SLCO1C1: variants seen among roughly 807,000 people sequenced by gnomAD.
SLCO1C1 encodes solute carrier organic anion transporter family member 1C1, also known as OAT-RP-5.
A neutral mutation model predicts 76.4 loss-of-function variants in SLCO1C1; 70 were observed. The ratio of observed to expected loss-of-function variants is 0.92; its 90% CI spans 0.76 to 1.12. The LOEUF (loss-of-function observed/expected upper bound fraction) is 1.12, where lower values mean the gene tolerates loss of function less well. Ranked by LOEUF, SLCO1C1 falls within the 50% of genes most tolerant of loss-of-function variation. SLCO1C1 has a pLI of 0.00. For synonymous variants in SLCO1C1, 306 were observed against 286.1 expected (o/e 1.07, Z -0.70); for missense variants, 912 against 823.8 (o/e 1.11, Z -1.31).
At chr12:20,715,101 G>T (rs772126672) in intron 5 of SLCO1C1, 38 bp from the exon 6 acceptor site, 197 of 1,611,026 alleles carry the variant, frequency 1.2e-4, no homozygotes, top group Non-Finnish European at 1.5e-4. Context: ...CTTTTAAAGT[G>T]ATCTATTTTC....
intron 4 of SLCO1C1, 121 bp from the exon 5 acceptor site, chr12:20,711,265 A>C: frequency 4.4e-6 from 5 of 1,129,950 alleles, no homozygotes; most frequent in Non-Finnish European, 6.2e-6. Context: ...GATTTGGTGA[A>C]TTAGGTTCAG....
At chr12:20,702,806 G>A (rs952494124) in intron 3 of SLCO1C1, among the ~76,000 whole-genome samples, 1 of 151,638 alleles carries the variant, frequency 6.6e-6, no homozygotes, top group Non-Finnish European at 1.5e-5. Flanking sequence ...ATATGAGCAG[G>A]CAAAACATTA....
chr12:20,729,810 TC>T (rs911371915), intron 9 of SLCO1C1, among the ~76,000 whole-genome samples: 1 of 152,166 alleles, frequency 6.6e-6, no homozygotes, highest in Admixed American at 6.5e-5. Context: ...GAGGTTTTTA[TC>T]AGTCAAAGCA....
intron 9 of SLCO1C1, among the ~76,000 whole-genome samples, chr12:20,730,561 C>T (rs1399866562): frequency 6.6e-6 from 1 of 152,086 alleles, no homozygotes; most frequent in Non-Finnish European, 1.5e-5. Context: ...TCTAAGTTGA[C>T]TTTTGGCTGT....
intron 11 of SLCO1C1, among the ~76,000 whole-genome samples, chr12:20,738,281 G>A (rs1565538827): frequency 1.3e-5 from 2 of 152,074 alleles, no homozygotes; most frequent in Non-Finnish European, 2.9e-5. Context: ...ACCCTTCTCA[G>A]CACACCTTTC....
intron 10 of SLCO1C1, among the ~76,000 whole-genome samples, chr12:20,736,841 A>T (rs1382401424): frequency 2.6e-5 from 4 of 152,146 alleles, no homozygotes; most frequent in African/African-American, 9.7e-5. Context: ...AGAAGATCCT[A>T]GAGGCTGTAG....
rs753127736 is a variant in SLCO1C1 at position 20,723,151 on chromosome 12, A to G, written c.1083A>G (p.Thr361=). Residue 361 remains threonine (T), a synonymous_variant, in exon 9 of 15, where the codon ACA becomes ACG. Coordinates refer to ENST00000266509, the MANE Select transcript of SLCO1C1 (RefSeq NM_017435.5). The part of the protein sequence containing the change: ...GNPVYFLYLC[T]STVQFNSLFG... ...CAGTATACTTCCTATATTTATGTAC[A>G]AGCACTGTTCAGTTCAATTCTCTGT... The G allele has an allele frequency of 2.5e-6, 4 of 1,613,802 alleles. No individual in the cohort carries two copies. The highest frequency in any genetic ancestry group is 3.4e-6 in the Non-Finnish European group (4 of 1,179,918).
At position 20,753,105 on chromosome 12, in the gene SLCO1C1, G is replaced by A. The variant is rs1344016950; in HGVS notation, c.*577G>A. On this transcript the variant is annotated 3_prime_UTR_variant, in exon 15 of 15. Transcript: ENST00000266509. ...AAATGTGTAGCAGCAAATTATATTG[G>A]GGATTAGAATTTTGAATTAATAGCT... The A allele has an allele frequency of 6.6e-6, 1 of 152,036 alleles. No homozygotes were observed. Among genetic ancestry groups the A allele is most frequent in the Non-Finnish European group, 1.5e-5 (1 of 67,990 alleles). The allele number at this position is 152,036 out of a possible 1,614,324, so 9.4% of individuals were successfully genotyped here.
chr12:20,716,443 A>G (rs571624022), intron 6 of SLCO1C1, among the ~76,000 whole-genome samples: 1 of 152,280 alleles, frequency 6.6e-6, no homozygotes, highest in East Asian at 1.9e-4. Context: ...TTAATCTCCC[A>G]TGAATATGTG....
At chr12:20,706,375 G>T (rs1946776922) in intron 4 of SLCO1C1, among the ~76,000 whole-genome samples, 1 of 151,964 alleles carries the variant, frequency 6.6e-6, no homozygotes, top group Non-Finnish European at 1.5e-5. Flanking sequence ...ATATATAATT[G>T]AAAATAAATT....
intron 4 of SLCO1C1, among the ~76,000 whole-genome samples, chr12:20,710,591 C>T (rs1277950498): frequency 6.6e-6 from 1 of 152,078 alleles, no homozygotes; most frequent in Non-Finnish European, 1.5e-5. Context: ...GGCTCTTTAT[C>T]CCAGTTGCTA....
intron 11 of SLCO1C1, 36 bp from the exon 12 acceptor site, chr12:20,740,148 A>G: frequency 6.5e-7 from 1 of 1,542,524 alleles, no homozygotes. Context: ...TTTAAATGTT[A>G]CTGAAATAAT....
intron 5 of SLCO1C1, 76 bp from the exon 6 acceptor site, chr12:20,715,063 A>G: frequency 6.5e-7 from 1 of 1,547,854 alleles, no homozygotes; most frequent in Non-Finnish European, 8.8e-7. Context: ...TTTAAGATAT[A>G]CGGTAGAAAT....
At chr12:20,699,520 T>C (rs976774376) in intron 1 of SLCO1C1, 32 bp from the exon 2 acceptor site, 133 of 1,503,524 alleles carry the variant, frequency 8.8e-5, no homozygotes, top group Admixed American at 4.7e-5. Flanking sequence ...GTAGTATTTA[T>C]TTATTTTTAC....
chr12:20,736,042 G>A (rs1295496938), intron 10 of SLCO1C1, among the ~76,000 whole-genome samples: 1 of 152,054 alleles, frequency 6.6e-6, no homozygotes, highest in Non-Finnish European at 1.5e-5. Flanking sequence ...TGAAAATAAG[G>A]AGCAGAAAAA....
intron 9 of SLCO1C1, among the ~76,000 whole-genome samples, chr12:20,726,050 C>G (rs964681850): frequency 7.2e-5 from 11 of 152,044 alleles, no homozygotes; most frequent in Admixed American, 4.6e-4. Flanking sequence ...GTGCAGCCGA[C>G]TAAGCGTAAG....
chr12:20,740,597 G>A (rs1272154793), intron 12 of SLCO1C1, among the ~76,000 whole-genome samples: 1 of 151,430 alleles, frequency 6.6e-6, no homozygotes, highest in Non-Finnish European at 1.5e-5. Flanking sequence ...GGTCTAGGAA[G>A]CAATGTTAGT....
At chr12:20,709,516 C>A (rs948441349) in intron 4 of SLCO1C1, among the ~76,000 whole-genome samples, 1 of 152,164 alleles carries the variant, frequency 6.6e-6, no homozygotes, top group Non-Finnish European at 1.5e-5. Context: ...TCAATGGTTT[C>A]TCTGTAATTA....
At position 20,717,216 on chromosome 12, in the gene SLCO1C1, G is replaced by A; in HGVS notation, c.761G>A (p.Gly254Asp). ...TGTGCCAAACTATATGTTGACATTG[G>A]CTTTGTAAACCTAGGTAAGGAAGTT... is the stretch of plus-strand genomic sequence containing the variant. ...SLCAKLYVDI[G>D]FVNLDHITIT... The change falls in exon 7 of 15, where the codon GGC becomes GAC. Residue 254 changes from glycine to aspartate, a missense_variant. Physicochemically the swap from Gly to Asp is moderately conservative, Grantham distance 94. Coordinates refer to ENST00000266509, the MANE Select transcript of SLCO1C1 (RefSeq NM_017435.5). The A allele has an allele frequency of 6.3e-7, 1 of 1,583,080 alleles. No homozygotes were observed. The highest frequency in any genetic ancestry group is 2.3e-5 in the East Asian group (1 of 43,460).
Sources: gnomAD v4.1 joint callset for allele counts (sites outside exome capture counted in the v4.1 genomes callset) on GRCh38, gnomAD v4.1.1 for gene constraint, MANE v1.5 for transcripts, NCBI Gene and HGNC (gene_info 2026-07-23, HGNC 2026-07-21) for gene names.